The following TPM1 variants were observed in gnomAD, a reference collection of about 807,000 sequenced individuals.
The protein encoded by TPM1 is tropomyosin 1, also known as tropomyosin alpha-1 chain.
Under a neutral mutation model 42.9 loss-of-function variants are expected in TPM1, and 24 were observed. The ratio of observed to expected loss-of-function variants is 0.56; its 90% CI spans 0.41 to 0.79. The LOEUF (loss-of-function observed/expected upper bound fraction) is 0.79. Among genes scored for constraint, TPM1 ranks in the 30% least tolerant of loss-of-function variants. The pLI is 0.00. For synonymous variants in TPM1, 136 were observed against 130.1 expected, an observed-to-expected ratio of 1.05 and a Z score of -0.31; for missense variants, 158 against 351.8, an observed-to-expected ratio of 0.45 and a Z score of 4.41.
chr15:63,065,993 G>T lies in TPM1; in HGVS notation c.*94G>T. ...TTTGTCTATTCTCCAGCTGACCCTG[G>T]TTCTCTCTCTTAGCATCCTGCCTTA... is the stretch of plus-strand genomic sequence containing the variant. On this transcript the variant is annotated 3_prime_UTR_variant, in exon 10 of 10. Coordinates refer to ENST00000403994, the MANE Select transcript of TPM1 (RefSeq NM_001018005.2). The T allele has an allele frequency of 6.4e-7, 1 of 1,569,464 alleles. No individual in the cohort carries two copies. Among genetic ancestry groups the T allele is most frequent in the Non-Finnish European group, 8.6e-7 (1 of 1,156,992 alleles).
In TPM1 at chr15:63,055,168, C is replaced by A. The variant is rs571843140; in HGVS notation, c.241-1817C>A. Among the ~76,000 whole-genome samples, 4 of 152,330 alleles carry A rather than the reference C, an allele frequency of 2.6e-5. No individual in the cohort carries two copies. In the South Asian group the frequency reaches 8.3e-4, roughly 32 times the overall value. The stretch of plus-strand genomic sequence containing the variant: ...AGTAATTCCTAGCTGGGTCCATTTA[C>A]CAGCTGTGCACTGATAATGATTTAC... On this transcript the variant is annotated intron_variant, in intron 2 of 9. Coordinates refer to ENST00000403994, the MANE Select transcript of TPM1 (RefSeq NM_001018005.2).
At chr15:63,051,588 G>T (rs767931725) in intron 2 of TPM1, among the ~76,000 whole-genome samples, 5 of 151,888 alleles carry the variant, frequency 3.3e-5, no homozygotes, top group Non-Finnish European at 7.4e-5. Context: ...GTTTAGCTTG[G>T]CTGTGGTCAC....
intron 9 of TPM1, 138 bp downstream of exon 9, chr15:63,064,280 C>A: frequency 6.5e-7 from 1 of 1,531,866 alleles, no homozygotes; most frequent in South Asian, 1.2e-5. Context: ...CTAGAATAGT[C>A]ATTGTTTTTT....
At chr15:63,069,557 C>T (rs1177176598), downstream of TPM1, among the ~76,000 whole-genome samples, 1 of 152,216 alleles carries the variant, frequency 6.6e-6, no homozygotes, top group African/African-American at 2.4e-5. Context: ...TGGCTCAGCT[C>T]ACAAAGTGGT....
chr15:63,068,844 C>T (rs60482057), downstream of TPM1, among the ~76,000 whole-genome samples: 1,140 of 152,252 alleles, frequency 7.5e-3, 15 homozygotes, highest in African/African-American at 0.026. Context: ...GAATGCCATC[C>T]TCTTCAAGAA....
In TPM1 at chr15:63,061,535, G is replaced by T; in HGVS notation, c.564-178G>T. 10 of 745,720 alleles carry T rather than the reference G, an allele frequency of 1.3e-5. No individual in the cohort carries two copies. In the South Asian group the frequency reaches 1.5e-4, roughly 11 times the overall value. The allele number at this position is 745,720 out of a possible 1,614,324, so 46.2% of individuals were successfully genotyped here. ...GTCACCCTGCCTTCTGCTGTTGCGA[G>T]GTTGGGGGGCAGTGTTCCTGGAAAA... On this transcript the variant is annotated intron_variant, in intron 5 of 9. Transcript: ENST00000403994.
rs2035658082 is a variant in TPM1 at position 63,061,707 on chromosome 15, C to T, written c.564-6C>T. 1 of 1,613,952 alleles carries T rather than the reference C, an allele frequency of 6.2e-7. No individual in the cohort carries two copies. Among genetic ancestry groups the T allele is most frequent in the Non-Finnish European group, 8.5e-7 (1 of 1,179,878 alleles). Reference sequence around the variant, plus strand: ...CACCCTTTCTGCCTCTGATCGAAAACATTAGCAAATGTGCCGAGCTTGAAG... The same window carrying T: ...CACCCTTTCTGCCTCTGATCGAAAATATTAGCAAATGTGCCGAGCTTGAAG... On this transcript the variant is annotated splice_region_variant and splice_polypyrimidine_tract_variant and intron_variant, in intron 5 of 9. Transcript: ENST00000403994.
chr15:63,058,335 G>A (rs559662410), intron 3 of TPM1, among the ~76,000 whole-genome samples: 1 of 152,276 alleles, frequency 6.6e-6, no homozygotes, highest in East Asian at 1.9e-4. Flanking sequence ...GATGTGACTT[G>A]CACCAAGGCT....
intron 3 of TPM1, 118 bp downstream of exon 3, chr15:63,057,236 C>T: frequency 2.2e-6 from 3 of 1,368,794 alleles, no homozygotes; most frequent in Non-Finnish European, 3.0e-6. Flanking sequence ...GGGATCATTT[C>T]CTCTATTGAT....
chr15:63,051,421 G>T (rs1423575266), intron 2 of TPM1, among the ~76,000 whole-genome samples: 1 of 152,130 alleles, frequency 6.6e-6, no homozygotes, highest in Non-Finnish European at 1.5e-5. Context: ...ACAATGCCTT[G>T]TTCATGTCTG....
chr15:63,062,331 A>G (rs1245925793), intron 7 of TPM1, 54 bp downstream of exon 7: 1 of 1,553,762 alleles, frequency 6.4e-7, no homozygotes, highest in Non-Finnish European at 8.9e-7. Flanking sequence ...GTTTGTTTTC[A>G]TGGAACCGGT....
Position 63,042,792 on chromosome 15 carries a change from C to T in TPM1, c.-38C>T. 6.3e-7 allele frequency: 1 copy of T among 1,580,318 alleles called. No homozygotes were observed. Among genetic ancestry groups the T allele is most frequent in the South Asian group, 1.1e-5 (1 of 89,980 alleles). Reference sequence around the variant, plus strand: ...GCCCGACCGCGCGCTCGCCCCGCCGCTCCTGCTGCAGCCCCAGGGCCCCTC... The same window carrying T: ...GCCCGACCGCGCGCTCGCCCCGCCGTTCCTGCTGCAGCCCCAGGGCCCCTC... On this transcript the variant is annotated 5_prime_UTR_variant, in exon 1 of 10. Coordinates refer to ENST00000403994, the MANE Select transcript of TPM1 (RefSeq NM_001018005.2).
intron 2 of TPM1, chr15:63,048,834 G>C (rs1194420084): frequency 4.7e-6 from 6 of 1,283,770 alleles, no homozygotes; most frequent in Non-Finnish European, 5.4e-6. Context: ...GGGCGCACCT[G>C]GCGCACCTGG....
chr15:63,065,643 C>G (rs2036195167), intron 9 of TPM1: 1 of 984,646 alleles, frequency 1.0e-6, no homozygotes, highest in Admixed American at 6.1e-5. Context: ...ACGAGTGTAG[C>G]TTAAAATTTT....
chr15:63,053,141 C>G lies in TPM1; in HGVS notation c.241-3844C>G, dbSNP rs115766676. On this transcript the variant is annotated intron_variant, in intron 2 of 9. Coordinates refer to ENST00000403994, the MANE Select transcript of TPM1 (RefSeq NM_001018005.2). The stretch of plus-strand genomic sequence containing the variant: ...TAAATGTTCCGTGTCCTTATGTGAG[C>G]TTCCTATTACCCATTAGCATTGTTT... 1.1e-3 allele frequency among the ~76,000 whole-genome samples: 173 copies of G among 152,350 alleles called. 1 individual carries two copies. Among genetic ancestry groups the G allele is most frequent in the African/African-American group, 4.0e-3 (165 of 41,570 alleles).
At chr15:63,066,301 T>G, downstream of TPM1, 6 of 633,228 alleles carry the variant, frequency 9.5e-6, no homozygotes, top group African/African-American at 2.0e-5. Context: ...AGGCCTGCAT[T>G]CCCTCTCAGA....
intron 9 of TPM1, chr15:63,065,007 GA>G (rs1391086114): frequency 1.0e-6 from 1 of 985,216 alleles, no homozygotes; most frequent in Non-Finnish European, 1.2e-6. Flanking sequence ...ACCCTCTGCT[GA>G]GTAACCAAGC....
intron 3 of TPM1, among the ~76,000 whole-genome samples, chr15:63,058,464 T>C (rs1367135198): frequency 6.6e-6 from 1 of 152,038 alleles, no homozygotes; most frequent in Non-Finnish European, 1.5e-5. Flanking sequence ...CCCAGCACTT[T>C]AGGGGGCCGA....
intron 2 of TPM1, chr15:63,047,950 C>T (rs1483340359): frequency 4.1e-5 from 11 of 270,294 alleles, no homozygotes; most frequent in Admixed American, 1.6e-4. Context: ...GAGGTCTAAC[C>T]ACTGTGCTCT....
Sources: gnomAD v4.1 joint callset for allele counts (sites outside exome capture counted in the v4.1 genomes callset) on GRCh38, gnomAD v4.1.1 for gene constraint, MANE v1.5 for transcripts, NCBI Gene and HGNC (gene_info 2026-07-23, HGNC 2026-07-21) for gene names.